The following RPTOR variants were observed in gnomAD, a reference collection of about 807,000 sequenced individuals.
RPTOR encodes regulatory associated protein of MTOR complex 1.
RPTOR carries 21 observed loss-of-function variants against 169.9 expected under a neutral mutation model. That is an observed-to-expected ratio of 0.12 (90% confidence interval 0.09 to 0.18). RPTOR has a LOEUF of 0.18. Among genes scored for constraint, RPTOR ranks in the 10% least tolerant of loss-of-function variants. The probability of loss-of-function intolerance (pLI) is 1.00; values close to 1 mark genes in which losing one functional copy is unlikely to be tolerated. For synonymous variants in RPTOR, 732 were observed against 753.2 expected, an observed-to-expected ratio of 0.97 and a Z score of 0.46; for missense variants, 1,133 against 1,855.9, an observed-to-expected ratio of 0.61 and a Z score of 7.16.
chr17:80,894,729 T>C (rs2068376661), intron 20 of RPTOR, among the ~76,000 whole-genome samples: 1 of 152,196 alleles, frequency 6.6e-6, no homozygotes, highest in African/African-American at 2.4e-5. Flanking sequence ...ATTTTAGCCA[T>C]GTAAAAATTT....
chr17:80,572,912 TTAATCTGTATTATCTGTTAA>T (rs1219233764), intron 1 of RPTOR, among the ~76,000 whole-genome samples: 1 of 152,256 alleles, frequency 6.6e-6, no homozygotes. Context: ...TGGCATGAAG[TTAATCTGTATTATCTGTTAA>T]GGCTTTATGC....
intron 1 of RPTOR, among the ~76,000 whole-genome samples, chr17:80,566,022 A>G (rs1347196343): frequency 6.6e-6 from 1 of 152,232 alleles, no homozygotes; most frequent in Non-Finnish European, 1.5e-5. Flanking sequence ...ATGGACTTGA[A>G]GAATTGAAGA....
chr17:80,822,127 T>C, intron 7 of RPTOR, 74 bp from the exon 8 acceptor site: 1 of 1,476,998 alleles, frequency 6.8e-7, no homozygotes, highest in Non-Finnish European at 9.5e-7. Context: ...GCGCCCTTTT[T>C]TCTTGCAACC....
chr17:80,559,535 G>A (rs1306517681), intron 1 of RPTOR, among the ~76,000 whole-genome samples: 1 of 152,212 alleles, frequency 6.6e-6, no homozygotes, highest in East Asian at 1.9e-4. Flanking sequence ...TGCATTTAGA[G>A]CTGGGCTGTG....
chr17:80,653,463 T>A (rs2065656006), intron 3 of RPTOR, among the ~76,000 whole-genome samples: 1 of 152,226 alleles, frequency 6.6e-6, no homozygotes, highest in Non-Finnish European at 1.5e-5. Context: ...CCCTTAAGAT[T>A]CCTGTGTGTT....
rs2069415291 is a variant in RPTOR at position 80,965,480 on chromosome 17, T to A, written c.*1150T>A. 8.6e-6 allele frequency: 2 copies of A among 233,254 alleles called. No individual in the cohort carries two copies. The highest frequency in any genetic ancestry group is 1.7e-5 in the Non-Finnish European group (2 of 118,092). 14.4% of individuals were successfully genotyped at this position (233,254 alleles called of 1,614,324 possible). On this transcript the variant is annotated 3_prime_UTR_variant, in exon 34 of 34. Coordinates refer to ENST00000306801, the MANE Select transcript of RPTOR (RefSeq NM_020761.3). ...CGCCCAGGAGGGGCCGCAGGGCGTGTATGAGCAGTTTTGCAAACAGAACAC... is the reference window on the plus strand; with the variant it reads ...CGCCCAGGAGGGGCCGCAGGGCGTGAATGAGCAGTTTTGCAAACAGAACAC...
intron 10 of RPTOR, among the ~76,000 whole-genome samples, chr17:80,841,512 A>ACTCT (rs1224721782): frequency 1.2e-5 from 1 of 80,076 alleles, no homozygotes; most frequent in Non-Finnish European, 2.4e-5. Flanking sequence ...ACGGCAGCTC[A>ACTCT]CACCACACGG....
At chr17:80,775,189 C>G (rs938842206) in intron 6 of RPTOR, among the ~76,000 whole-genome samples, 1 of 152,234 alleles carries the variant, frequency 6.6e-6, no homozygotes, top group Non-Finnish European at 1.5e-5. Flanking sequence ...CTTTTACTCC[C>G]ACTTCCTTCT....
At position 80,546,728 on chromosome 17, in the gene RPTOR, T is replaced by C. The variant is rs370510054; in HGVS notation, c.162+937T>C. Reference sequence around the variant, plus strand: ...TGTATATGTTTATGGAATATTATTGTTTTTTAGTATATGATGTTGAACATA... The same window carrying C: ...TGTATATGTTTATGGAATATTATTGCTTTTTAGTATATGATGTTGAACATA... On this transcript the variant is annotated intron_variant, in intron 1 of 33. Coordinates refer to ENST00000306801, the MANE Select transcript of RPTOR (RefSeq NM_020761.3). Among the ~76,000 whole-genome samples the C allele has an allele frequency of 2.6e-5, 4 of 152,218 alleles. No homozygotes were observed. In the South Asian group the frequency reaches 8.3e-4, roughly 32 times the overall value.
chr17:80,574,347 T>A (rs1568312899), intron 1 of RPTOR, among the ~76,000 whole-genome samples: 1 of 150,896 alleles, frequency 6.6e-6, no homozygotes, highest in Non-Finnish European at 1.5e-5. Context: ...TGTATTTTTT[T>A]AGTAGAGACG....
chr17:80,779,251 A>G (rs1221212176), intron 6 of RPTOR, among the ~76,000 whole-genome samples: 1 of 152,196 alleles, frequency 6.6e-6, no homozygotes, highest in Non-Finnish European at 1.5e-5. Context: ...TAGAAACACC[A>G]AAATTGTCCA....
At chr17:80,642,942 T>A (rs1599629193) in intron 2 of RPTOR, among the ~76,000 whole-genome samples, 1 of 152,370 alleles carries the variant, frequency 6.6e-6, no homozygotes, top group South Asian at 2.1e-4. Flanking sequence ...AAAATGCTGC[T>A]CTTCTACTAA....
At chr17:80,622,342 G>A (rs2065360706) in intron 1 of RPTOR, among the ~76,000 whole-genome samples, 1 of 152,228 alleles carries the variant, frequency 6.6e-6, no homozygotes. Context: ...GAAATGTCTA[G>A]TTTTAAGCAG....
chr17:80,852,179 C>T (rs1056510789), intron 11 of RPTOR, among the ~76,000 whole-genome samples: 6 of 152,164 alleles, frequency 3.9e-5, no homozygotes, highest in Non-Finnish European at 5.9e-5. Flanking sequence ...GTGCTAGACG[C>T]TTTACGGACT....
chr17:80,937,407 C>T (rs1394351787), intron 24 of RPTOR, among the ~76,000 whole-genome samples: 1 of 152,192 alleles, frequency 6.6e-6, no homozygotes, highest in African/African-American at 2.4e-5. Context: ...GCTGCTTTCC[C>T]GTAAGTCTTC....
chr17:80,812,908 G>A (rs2067287612), intron 7 of RPTOR, among the ~76,000 whole-genome samples: 1 of 152,174 alleles, frequency 6.6e-6, no homozygotes, highest in Admixed American at 6.5e-5. Flanking sequence ...ATGCCCAGTG[G>A]CTGCACGTGA....
chr17:80,673,793 A>G lies in RPTOR; in HGVS notation c.348+29983A>G, dbSNP rs145300906. On this transcript the variant is annotated intron_variant, in intron 3 of 33. Coordinates refer to ENST00000306801, the MANE Select transcript of RPTOR (RefSeq NM_020761.3). ...GGTCTGCAGCTCATCTGAGTGCAGC[A>G]TTGGCAGCCATCAAATGGAAAGTTT... Among the ~76,000 whole-genome samples the G allele has an allele frequency of 6.4e-3, 973 of 152,338 alleles. 5 individuals are homozygous for G. The highest frequency in any genetic ancestry group is 0.014 in the Middle Eastern group (4 of 294).
At chr17:80,854,941 T>C (rs1265704018) in intron 11 of RPTOR, among the ~76,000 whole-genome samples, 1 of 152,230 alleles carries the variant, frequency 6.6e-6, no homozygotes, top group Non-Finnish European at 1.5e-5. Context: ...TTGATGATAA[T>C]TTAAATATCT....
At chr17:80,923,209 C>T (rs2143979795) in intron 22 of RPTOR, among the ~76,000 whole-genome samples, 1 of 152,362 alleles carries the variant, frequency 6.6e-6, no homozygotes, top group East Asian at 1.9e-4. Context: ...TCCCGGCCCA[C>T]TCGACTCTGA....
Sources: allele counts gnomAD v4.1 joint callset (sites outside exome capture counted in the v4.1 genomes callset), GRCh38; gene constraint gnomAD v4.1.1; transcripts MANE v1.5; gene names NCBI Gene and HGNC (gene_info 2026-07-23, HGNC 2026-07-21).